RBFOX1: variants seen among roughly 807,000 people sequenced by gnomAD.
RBFOX1 encodes the protein RNA binding protein fox-1 homolog 1.
A neutral mutation model predicts 57.7 loss-of-function variants in RBFOX1; 8 were observed. The ratio of observed to expected loss-of-function variants is 0.14; its 90% CI spans 0.08 to 0.25. The LOEUF (loss-of-function observed/expected upper bound fraction) is 0.25, where lower values mean the gene tolerates loss of function less well. Ranked by LOEUF, RBFOX1 falls within the 10% of genes least tolerant of loss-of-function variation. The pLI, the probability that RBFOX1 is intolerant of heterozygous loss-of-function variation, is 1.00. For missense variants in RBFOX1, 611 were observed against 548.5 expected (o/e 1.11, Z -1.14); for synonymous variants, 326 against 222.4 (o/e 1.47, Z -4.15).
intron 4 of RBFOX1, among the ~76,000 whole-genome samples, chr16:7,488,698 C>G (rs190786810): frequency 1.3e-5 from 2 of 152,286 alleles, no homozygotes; most frequent in East Asian, 3.9e-4. Flanking sequence ...TATACATTCT[C>G]ACATCCCTTA....
intron 2 of RBFOX1, among the ~76,000 whole-genome samples, chr16:6,375,996 GTTTC>G (rs2091127342): frequency 6.6e-6 from 1 of 152,102 alleles, no homozygotes; most frequent in Non-Finnish European, 1.5e-5. Context: ...CCTCTGTTTT[GTTTC>G]ATGACTCAGT....
chr16:5,499,513 TCCAC>T (rs2043115654), intron 2 of RBFOX1, among the ~76,000 whole-genome samples: 1 of 152,144 alleles, frequency 6.6e-6, no homozygotes, highest in South Asian at 2.1e-4. Context: ...CTTAACCAAA[TCCAC>T]ACCATTATAA....
chr16:7,479,701 A>G (rs1431367871), intron 4 of RBFOX1, among the ~76,000 whole-genome samples: 1 of 152,098 alleles, frequency 6.6e-6, no homozygotes, highest in East Asian at 1.9e-4. Flanking sequence ...TCCGAGGGGA[A>G]GTGGGGCACC....
At chr16:6,713,664 G>T (rs2064171984) in intron 3 of RBFOX1, among the ~76,000 whole-genome samples, 1 of 152,134 alleles carries the variant, frequency 6.6e-6, no homozygotes, top group Admixed American at 6.6e-5. Context: ...AGTTACAGTT[G>T]CCCAAACATC....
At chr16:5,700,213 A>G (rs2050995799) in intron 3 of RBFOX1, among the ~76,000 whole-genome samples, 1 of 152,208 alleles carries the variant, frequency 6.6e-6, no homozygotes, top group Non-Finnish European at 1.5e-5. Flanking sequence ...AAAAGAATGC[A>G]AACTATTCGA....
In RBFOX1 at chr16:6,331,401, C is replaced by T. The variant is rs188749449; in HGVS notation, c.-64+14344C>T. On this transcript the variant is annotated intron_variant, in intron 2 of 15. Transcript: ENST00000550418. Reference sequence around the variant, plus strand: ...GGTGGAGGTTGCAGTGAGCCAAGTTCGCACCACTGCACTTCATCCTGGGTG... The same window carrying T: ...GGTGGAGGTTGCAGTGAGCCAAGTTTGCACCACTGCACTTCATCCTGGGTG... 1.8e-3 allele frequency among the ~76,000 whole-genome samples: 270 copies of T among 151,844 alleles called. 3 individuals carry two copies. Among genetic ancestry groups the T allele is most frequent in the African/African-American group, 5.7e-3 (238 of 41,402 alleles).
intron 1 of RBFOX1, among the ~76,000 whole-genome samples, chr16:5,351,555 C>G (rs973697528): frequency 6.6e-6 from 1 of 152,236 alleles, no homozygotes; most frequent in African/African-American, 2.4e-5. Context: ...TAAGATTCAA[C>G]TCAAGGTGTT....
intron 2 of RBFOX1, among the ~76,000 whole-genome samples, chr16:6,519,880 A>G (rs1407339339): frequency 1.3e-5 from 2 of 152,192 alleles, no homozygotes; most frequent in Non-Finnish European, 2.9e-5. Flanking sequence ...GAACTAAGGC[A>G]ACTGATATAT....
At chr16:5,757,838 C>CTTCTA (rs920887128) in intron 3 of RBFOX1, among the ~76,000 whole-genome samples, 4 of 152,144 alleles carry the variant, frequency 2.6e-5, no homozygotes, top group African/African-American at 9.7e-5. Context: ...TGGGCTCATG[C>CTTCTA]TTCTACTACT....
chr16:6,631,176 G>C (rs904191942), intron 2 of RBFOX1, among the ~76,000 whole-genome samples: 31 of 152,110 alleles, frequency 2.0e-4, no homozygotes, highest in African/African-American at 5.8e-4. Flanking sequence ...AATTGAAATA[G>C]AGCCTCGGAA....
At chr16:7,592,239 G>T (rs906837643) in intron 7 of RBFOX1, among the ~76,000 whole-genome samples, 1 of 152,168 alleles carries the variant, frequency 6.6e-6, no homozygotes, top group Non-Finnish European at 1.5e-5. Flanking sequence ...TAATAAAAAA[G>T]AATGTATTCT....
chr16:7,025,396 CT>C (rs1374893511), intron 3 of RBFOX1, among the ~76,000 whole-genome samples: 1 of 152,124 alleles, frequency 6.6e-6, no homozygotes, highest in Non-Finnish European at 1.5e-5. Flanking sequence ...CAGCAAGGTC[CT>C]TATGACCTGT....
chr16:5,828,476 G>C (rs1386200805), intron 3 of RBFOX1, among the ~76,000 whole-genome samples: 3 of 152,126 alleles, frequency 2.0e-5, no homozygotes, highest in Admixed American at 6.5e-5. Flanking sequence ...GAGGTGGGCG[G>C]ATCGCGAGGT....
chr16:6,909,634 T>G (rs140397042), intron 3 of RBFOX1, among the ~76,000 whole-genome samples: 10 of 152,204 alleles, frequency 6.6e-5, no homozygotes, highest in African/African-American at 2.4e-4. Flanking sequence ...TTTTACAAAA[T>G]CAGACAAAGA....
chr16:5,474,610 C>T (rs951637980), intron 2 of RBFOX1, among the ~76,000 whole-genome samples: 18 of 151,784 alleles, frequency 1.2e-4, no homozygotes, highest in Admixed American at 8.5e-4. Context: ...GCTGAGATCG[C>T]GCCATTGCAC....
intron 4 of RBFOX1, among the ~76,000 whole-genome samples, chr16:7,205,657 A>G (rs538562944): frequency 4.8e-4 from 73 of 152,350 alleles, no homozygotes; most frequent in Non-Finnish European, 8.1e-4. Flanking sequence ...CCAAAATTCC[A>G]TGCCTTCTTG....
chr16:6,006,998 A>G (rs192407113), intron 4 of RBFOX1, among the ~76,000 whole-genome samples: 84 of 152,158 alleles, frequency 5.5e-4, no homozygotes, highest in African/African-American at 1.9e-3. Flanking sequence ...TGGGGATGTG[A>G]CAATATGGAT....
upstream of RBFOX1, among the ~76,000 whole-genome samples, chr16:6,014,561 C>T (rs1006135273): frequency 2.0e-5 from 3 of 152,020 alleles, no homozygotes; most frequent in Admixed American, 2.0e-4. Context: ...TGCCATGTGC[C>T]CAAGGACTGA....
intron 4 of RBFOX1, among the ~76,000 whole-genome samples, chr16:5,977,791 A>G (rs761050663): frequency 2.0e-5 from 3 of 152,156 alleles, no homozygotes; most frequent in Non-Finnish European, 4.4e-5. Context: ...CTGTATTAAG[A>G]GACACCACCA....
Sources: allele counts gnomAD v4.1 joint callset (sites outside exome capture counted in the v4.1 genomes callset), GRCh38; gene constraint gnomAD v4.1.1; transcripts MANE v1.5; gene names NCBI Gene and HGNC (gene_info 2026-07-23, HGNC 2026-07-21).